TRMT13: variants seen among roughly 807,000 people sequenced by gnomAD.
The protein encoded by TRMT13 is tRNA:m(4)X modification enzyme TRM13 homolog.
Under a neutral mutation model 55.9 loss-of-function variants are expected in TRMT13, and 45 were observed. The observed-to-expected ratio is 0.80, with a 90% CI of 0.63 to 1.03. The LOEUF (loss-of-function observed/expected upper bound fraction) is 1.03, where lower values mean the gene tolerates loss of function less well. TRMT13 is among the 50% of genes least tolerant of loss of function. TRMT13 has a pLI of 0.00. For missense variants in TRMT13, 513 were observed against 563.9 expected, an observed-to-expected ratio of 0.91 and a Z score of 0.91; for synonymous variants, 183 against 196.3, an observed-to-expected ratio of 0.93 and a Z score of 0.57.
chr1:100,136,799 C>A, intron 1 of TRMT13, 83 bp from the exon 2 acceptor site: 1 of 1,256,256 alleles, frequency 8.0e-7, no homozygotes, highest in Non-Finnish European at 1.1e-6. Flanking sequence ...TTTGAGATTA[C>A]AGAGACACTG....
intron 3 of TRMT13, among the ~76,000 whole-genome samples, chr1:100,137,318 C>G (rs1207155875): frequency 1.3e-5 from 2 of 152,112 alleles, no homozygotes; most frequent in Non-Finnish European, 2.9e-5. Flanking sequence ...ACCTCAGCCT[C>G]ATGACTAGCT....
At chr1:100,140,137 A>G (rs1233642843) in intron 4 of TRMT13, 45 bp from the exon 5 acceptor site, 1 of 1,419,826 alleles carries the variant, frequency 7.0e-7, no homozygotes, top group South Asian at 1.2e-5. Flanking sequence ...ATGCTACTTT[A>G]AAGCAATTTT....
chr1:100,139,004 T>G (rs1288734888), intron 3 of TRMT13, among the ~76,000 whole-genome samples: 1 of 152,224 alleles, frequency 6.6e-6, no homozygotes, highest in Non-Finnish European at 1.5e-5. Context: ...CTCCCTATAT[T>G]GCCCAGGCTG....
chr1:100,141,050 C>T (rs1474570779), intron 7 of TRMT13, 31 bp downstream of exon 7: 1 of 1,508,444 alleles, frequency 6.6e-7, no homozygotes, highest in African/African-American at 1.4e-5. Context: ...GTGTTAGTAA[C>T]CAAACTTGTT....
At chr1:100,146,564 G>A (rs1233511602) in intron 9 of TRMT13, among the ~76,000 whole-genome samples, 2 of 151,936 alleles carry the variant, frequency 1.3e-5, no homozygotes, top group African/African-American at 4.8e-5. Context: ...GGAGTGCAGT[G>A]GCGCAATCTC....
chr1:100,148,480 A>C (rs1657575832), intron 10 of TRMT13, 145 bp from the exon 11 acceptor site: 1 of 1,066,224 alleles, frequency 9.4e-7, no homozygotes, highest in African/African-American at 1.6e-5. Flanking sequence ...GTGGTCATAA[A>C]TATAATGTGT....
intron 1 of TRMT13, 24 bp downstream of exon 1, chr1:100,133,339 A>AG: frequency 6.2e-7 from 1 of 1,611,074 alleles, no homozygotes; most frequent in Non-Finnish European, 8.5e-7. Context: ...CTACTCTCTC[A>AG]AGAGTCGGAA....
chr1:100,148,421 AT>A, intron 10 of TRMT13, 95 bp downstream of exon 10: 1 of 1,301,486 alleles, frequency 7.7e-7, no homozygotes, highest in South Asian at 1.5e-5. Flanking sequence ...ATGAAAATGT[AT>A]TTTATAATCT....
At position 100,148,314 on chromosome 1, in the gene TRMT13, A is replaced by T; in HGVS notation, c.1238A>T (p.Asp413Val). The T allele has an allele frequency of 6.2e-7, 1 of 1,612,678 alleles. No homozygotes were observed. Among genetic ancestry groups the T allele is most frequent in the Non-Finnish European group, 8.5e-7 (1 of 1,179,128 alleles). The stretch of plus-strand genomic sequence containing the variant: ...TACAGAATCACAGATGATGGCGCTG[A>T]TTGTTTGCCTGGGTAAGAGACTACT... ...GGYRITDDGADCLPGLLSVEE... is the reference protein window; with the variant it reads ...GGYRITDDGAVCLPGLLSVEE... Residue 413 changes from aspartate to valine, a missense_variant, in exon 10 of 11, where the codon GAT (aspartate) becomes GTT (valine). Physicochemically the swap from Asp to Val is radical, Grantham distance 152. Coordinates refer to ENST00000370141, the MANE Select transcript of TRMT13 (RefSeq NM_019083.3).
Position 100,148,855 on chromosome 1 carries a change from C to A in TRMT13, c.*35C>A. ...AATTTGAGCATCATCTGTCTTCCAC[C>A]AAAAAAAATTTTTTAATTATATTTT... On this transcript the variant is annotated 3_prime_UTR_variant, in exon 11 of 11. Coordinates refer to ENST00000370141, the MANE Select transcript of TRMT13 (RefSeq NM_019083.3). The A allele has an allele frequency of 2.3e-6, 3 of 1,309,358 alleles. No individual in the cohort carries two copies. The highest frequency in any genetic ancestry group is 3.0e-5 in the East Asian group (1 of 33,518). 81.1% of individuals were successfully genotyped at this position (1,309,358 alleles called of 1,614,324 possible).
At chr1:100,145,250 C>T (rs1389591895) in intron 9 of TRMT13, among the ~76,000 whole-genome samples, 1 of 152,182 alleles carries the variant, frequency 6.6e-6, no homozygotes, top group East Asian at 1.9e-4. Flanking sequence ...TAATGCATTT[C>T]CCAAAACATA....
rs12725758 is a variant in TRMT13 at position 100,144,000 on chromosome 1, T to C, written c.743-69T>C. 7.8e-3 allele frequency: 10,529 copies of C among 1,350,682 alleles called. 55 individuals carry two copies. Among genetic ancestry groups the C allele is most frequent in the Non-Finnish European group, 9.7e-3 (9,253 of 954,214 alleles). 83.7% of individuals were successfully genotyped at this position (1,350,682 alleles called of 1,614,324 possible). A position where few individuals can be genotyped will look rare whatever the true frequency, so the allele number is the denominator to read the frequency against. ...AAAATTCAGAGACTCTAATTAGTTC[T>C]TTCTTTTGGAAGGCCACATTAATAT... is the stretch of plus-strand genomic sequence containing the variant. On this transcript the variant is annotated intron_variant, in intron 8 of 10. Coordinates refer to ENST00000370141, the MANE Select transcript of TRMT13 (RefSeq NM_019083.3).
chr1:100,133,195 C>T lies in TRMT13; in HGVS notation c.27C>T (p.His9=), dbSNP rs1386981867. The T allele has an allele frequency of 3.1e-6, 5 of 1,614,030 alleles. No individual in the cohort carries two copies. Among genetic ancestry groups the T allele is most frequent in the Admixed American group, 1.7e-5 (1 of 59,988 alleles). MATSATSP[H]APGFPAEGRC... Reference sequence around the variant, plus strand: ...TGGCGACCTCCGCGACGTCGCCGCACGCGCCTGGTTTTCCAGCTGAGGGTA... The same window carrying T: ...TGGCGACCTCCGCGACGTCGCCGCATGCGCCTGGTTTTCCAGCTGAGGGTA... Residue 9 remains histidine, a synonymous_variant, in exon 1 of 11, where the codon CAC becomes CAT. Transcript: ENST00000370141.
chr1:100,146,558 T>A (rs1339520955), intron 9 of TRMT13, among the ~76,000 whole-genome samples: 3 of 152,050 alleles, frequency 2.0e-5, no homozygotes, highest in Non-Finnish European at 4.4e-5. Context: ...CAGACTGGAG[T>A]GCAGTGGCGC....
In TRMT13 at chr1:100,143,118, T is replaced by A. The variant is rs182984724; in HGVS notation, c.670-19T>A. 6.4e-5 allele frequency: 100 copies of A among 1,567,388 alleles called. No homozygotes were observed. The East Asian group carries it at 2.0e-3, about 32-fold the overall frequency. ...TAAATGTAAGAAGTGATTATTACAA[T>A]AATGTTCTGTTTGTGCAGGTGGATG... On this transcript the variant is annotated intron_variant, in intron 7 of 10. Transcript: ENST00000370141.
At chr1:100,133,595 T>C (rs753333845) in intron 1 of TRMT13, among the ~76,000 whole-genome samples, 52 of 152,230 alleles carry the variant, frequency 3.4e-4, no homozygotes, top group Non-Finnish European at 6.9e-4. Context: ...TTTTAATTTT[T>C]ACCCCAAGCT....
In TRMT13 at chr1:100,137,010, T is replaced by TA; in HGVS notation, c.195-6dup. On this transcript the variant is annotated splice_polypyrimidine_tract_variant and intron_variant, in intron 2 of 10. Coordinates refer to ENST00000370141, the MANE Select transcript of TRMT13 (RefSeq NM_019083.3). ...GTCTCATTTGAAATAATTTTCTCTT[T>TA]AAATTTAGCACAGTATATGAAGATC... 1 of 1,604,770 alleles carries TA rather than the reference T, an allele frequency of 6.2e-7. No homozygotes were observed.
chr1:100,144,327 A>G (rs941700925), intron 9 of TRMT13, 184 bp downstream of exon 9: 4 of 511,834 alleles, frequency 7.8e-6, no homozygotes, highest in African/African-American at 2.0e-5. Flanking sequence ...CATATTGGCC[A>G]TTTTGCAGGA....
intron 10 of TRMT13, 34 bp downstream of exon 10, chr1:100,148,360 A>T: frequency 6.3e-7 from 1 of 1,574,874 alleles, no homozygotes; most frequent in Non-Finnish European, 8.7e-7. Flanking sequence ...ATGATACTAA[A>T]GGAGAAATAT....
Sources: allele counts gnomAD v4.1 joint callset (sites outside exome capture counted in the v4.1 genomes callset), GRCh38; gene constraint gnomAD v4.1.1; transcripts MANE v1.5; gene names NCBI Gene and HGNC (gene_info 2026-07-23, HGNC 2026-07-21).